Variants in RNPC3 observed in about 807,000 individuals in gnomAD.
RNPC3 encodes RNA binding region (RNP1, RRM) containing 3.
A neutral mutation model predicts 67.5 loss-of-function variants in RNPC3; 48 were observed. That is an observed-to-expected ratio of 0.71 (90% CI 0.56 to 0.90). RNPC3 has a LOEUF of 0.90. Among genes scored for constraint, RNPC3 ranks in the 40% least tolerant of loss-of-function variants. The probability of loss-of-function intolerance (pLI) is 0.00; values close to 1 mark genes in which losing one functional copy is unlikely to be tolerated. For synonymous variants in RNPC3, 239 were observed against 210.3 expected, an observed-to-expected ratio of 1.14 and a Z score of -1.18; for missense variants, 637 against 626.1, an observed-to-expected ratio of 1.02 and a Z score of -0.19.
Position 103,533,782 on chromosome 1 carries a change from T to C in RNPC3, c.284T>C (p.Leu95Ser), listed in dbSNP as rs755658042. Residue 95 changes from leucine (L) to serine (S), a missense_variant, in exon 3 of 15, where the codon TTA becomes TCA. Leu to Ser is a moderately radical substitution (Grantham distance 145, BLOSUM62 -2). Transcript: ENST00000423855. ...LHQLKLLGHT[L>S]VVEFAKEQDR... The stretch of plus-strand genomic sequence containing the variant: ...CAACTGAAACTTTTAGGTCATACTT[T>C]AGTCGTTGAATTTGCAAAAGAGCAA... 4.6e-6 allele frequency: 7 copies of C among 1,535,450 alleles called. No homozygotes were observed. Among genetic ancestry groups the C allele is most frequent in the South Asian group, 2.4e-5 (2 of 84,024 alleles).
In RNPC3 at chr1:103,549,841, C is replaced by A. The variant is rs182100833; in HGVS notation, c.1362-1100C>A. Among the ~76,000 whole-genome samples the A allele has an allele frequency of 2.6e-5, 4 of 152,102 alleles. No homozygotes were observed. The South Asian group carries it at 6.2e-4, about 24-fold the overall frequency. ...TAATCATTGAGGTTCCTTTCTACTC[C>A]GAAGTTCTGTAATTGCTTATAATAA... On this transcript the variant is annotated intron_variant, in intron 12 of 14. Transcript: ENST00000423855.
chr1:103,531,428 AT>A (rs528463767), intron 2 of RNPC3, among the ~76,000 whole-genome samples: 6 of 152,214 alleles, frequency 3.9e-5, no homozygotes, highest in Non-Finnish European at 5.9e-5. Flanking sequence ...TCTCCACACT[AT>A]TTTTCATACT....
At chr1:103,551,886 T>A in intron 14 of RNPC3, 94 bp downstream of exon 14, 4 of 175,508 alleles carry the variant, frequency 2.3e-5, no homozygotes, top group Non-Finnish European at 4.5e-5. Context: ...CAGGTATCTC[T>A]TTTTTTTTTT....
rs148377011 is a variant in RNPC3 at position 103,546,144 on chromosome 1, C to T, written c.1208-104C>T. ...TGAAAATTTTAACATTTTCATAAAG[C>T]TTATTTTGTCTATTTAACAATTAGG... is the stretch of plus-strand genomic sequence containing the variant. On this transcript the variant is annotated intron_variant, in intron 10 of 14. Coordinates refer to ENST00000423855, the MANE Select transcript of RNPC3 (RefSeq NM_017619.4). 237 of 481,448 alleles carry T rather than the reference C, an allele frequency of 4.9e-4. 4 individuals carry two copies. In the East Asian group the frequency reaches 8.0e-3, roughly 16 times the overall value. 29.8% of individuals were successfully genotyped at this position (481,448 alleles called of 1,614,324 possible). A position where few individuals can be genotyped will look rare whatever the true frequency, so the allele number is the denominator to read the frequency against.
chr1:103,530,412 G>A (rs938755659), intron 2 of RNPC3, among the ~76,000 whole-genome samples: 1 of 152,138 alleles, frequency 6.6e-6, no homozygotes, highest in Non-Finnish European at 1.5e-5. Context: ...ATTTCTGGGA[G>A]AAGTACCTTT....
Position 103,551,692 on chromosome 1 carries a change from T to C in RNPC3, c.1495-29T>C, listed in dbSNP as rs770851536. On this transcript the variant is annotated intron_variant, in intron 13 of 14. Coordinates refer to ENST00000423855, the MANE Select transcript of RNPC3 (RefSeq NM_017619.4). Reference sequence around the variant, plus strand: ...TTAGAAAAGATTACTTGCATATTCATGAAGGAAACCTTAATTTTAAATTAT... The same window carrying C: ...TTAGAAAAGATTACTTGCATATTCACGAAGGAAACCTTAATTTTAAATTAT... 5 of 1,418,710 alleles carry C rather than the reference T, an allele frequency of 3.5e-6. No homozygotes were observed. The South Asian group carries it at 6.5e-5, about 19-fold the overall frequency. The allele number at this position is 1,418,710 out of a possible 1,614,324, so 87.9% of individuals were successfully genotyped here.
At chr1:103,531,073 C>T (rs944890235) in intron 2 of RNPC3, among the ~76,000 whole-genome samples, 2 of 152,160 alleles carry the variant, frequency 1.3e-5, no homozygotes, top group African/African-American at 4.8e-5. Context: ...TTAGCTCCTA[C>T]TTAGGAGTGA....
intron 7 of RNPC3, among the ~76,000 whole-genome samples, chr1:103,538,988 G>T (rs1172736649): frequency 6.6e-6 from 1 of 152,176 alleles, no homozygotes; most frequent in Non-Finnish European, 1.5e-5. Context: ...TGAGAGTCAT[G>T]TGGTCTCTGT....
chr1:103,525,881 A>T lies in RNPC3; in HGVS notation c.-190A>T, dbSNP rs891684178. On this transcript the variant is annotated 5_prime_UTR_variant, in exon 1 of 15. In the 5' UTR this introduces an upstream ATG that the reference lacks. Coordinates refer to ENST00000423855, the MANE Select transcript of RNPC3 (RefSeq NM_017619.4). ...TCATTAGCACCGCGCCCTTCCCCGA[A>T]GAGTCTTCGAAGGGTTGCCGCTTTT... is the stretch of plus-strand genomic sequence containing the variant. 1.8e-6 allele frequency: 1 copy of T among 565,942 alleles called. No homozygotes were observed. Among genetic ancestry groups the T allele is most frequent in the African/African-American group, 1.9e-5 (1 of 52,498 alleles). The allele number at this position is 565,942 out of a possible 1,614,324, so 35.1% of individuals were successfully genotyped here. A position where few individuals can be genotyped will look rare whatever the true frequency, so the allele number is the denominator to read the frequency against.
chr1:103,543,435 GA>G lies in RNPC3; in HGVS notation c.1040del (p.Asn347IlefsTer14). The G allele has an allele frequency of 2.7e-6, 4 of 1,501,638 alleles. No homozygotes were observed. The highest frequency in any genetic ancestry group is 2.6e-5 in the East Asian group (1 of 38,960). The allele number at this position is 1,501,638 out of a possible 1,614,324, so 93.0% of individuals were successfully genotyped here. A position where few individuals can be genotyped will look rare whatever the true frequency, so the allele number is the denominator to read the frequency against. The part of the protein sequence containing the change: ...KDLEKEQNCE[E>X]KNHDLPATEV... Reference sequence around the variant, plus strand: ...TTTAGAAAAGGAACAAAATTGTGAGGAAAAAAATCATGGTAAGGATATTCTA... The same window carrying G: ...TTTAGAAAAGGAACAAAATTGTGAGGAAAAAATCATGGTAAGGATATTCTA... On this transcript the variant is annotated frameshift_variant, in exon 9 of 15. Transcript: ENST00000423855. LOFTEE classifies it high-confidence loss of function.
chr1:103,537,557 G>A, intron 7 of RNPC3, 73 bp downstream of exon 7: 1 of 1,252,894 alleles, frequency 8.0e-7, no homozygotes, highest in East Asian at 2.5e-5. Context: ...GCTCTCCCTA[G>A]ATTTTGTGTG....
intron 2 of RNPC3, among the ~76,000 whole-genome samples, chr1:103,532,427 G>C (rs1260887083): frequency 1.3e-5 from 2 of 152,094 alleles, no homozygotes; most frequent in South Asian, 4.1e-4. Flanking sequence ...AATTTGAAAT[G>C]TTTGTTAGAT....
At chr1:103,551,849 G>A in intron 14 of RNPC3, 57 bp downstream of exon 14, 4 of 872,752 alleles carry the variant, frequency 4.6e-6, no homozygotes, top group Admixed American at 7.0e-5. Flanking sequence ...ATAAAATTAA[G>A]AATAAAAGTT....
chr1:103,538,560 G>A (rs1161350237), intron 7 of RNPC3, among the ~76,000 whole-genome samples: 2 of 152,134 alleles, frequency 1.3e-5, no homozygotes, highest in Non-Finnish European at 2.9e-5. Flanking sequence ...ATCAAACAAG[G>A]TAATGTATTG....
intron 2 of RNPC3, 72 bp from the exon 3 acceptor site, chr1:103,533,667 A>G (rs1195783375): frequency 3.8e-6 from 3 of 784,200 alleles, no homozygotes; most frequent in Non-Finnish European, 6.2e-6. Flanking sequence ...AAAAAAAAGT[A>G]TAAAAATTGG....
Position 103,535,435 on chromosome 1 carries a change from T to C in RNPC3, c.549T>C (p.Tyr183=), listed in dbSNP as rs1254382901. The part of the protein sequence containing the change: ...VNALASVPKF[Y]VQVLHLMNKM... ...CCTTGGCAAGCGTGCCTAAGTTCTA[T>C]GTACAGGTAAGTAGAATAAAACTTT... Residue 183 remains tyrosine, a synonymous_variant, in exon 5 of 15, where the codon TAT becomes TAC. Transcript: ENST00000423855. 2.0e-6 allele frequency: 3 copies of C among 1,527,516 alleles called. No homozygotes were observed. Among genetic ancestry groups the C allele is most frequent in the South Asian group, 2.4e-5 (2 of 83,700 alleles). The allele number at this position is 1,527,516 out of a possible 1,614,324, so 94.6% of individuals were successfully genotyped here. A position where few individuals can be genotyped will look rare whatever the true frequency, so the allele number is the denominator to read the frequency against.
chr1:103,550,355 C>A (rs1408794581), intron 12 of RNPC3, among the ~76,000 whole-genome samples: 3 of 151,786 alleles, frequency 2.0e-5, no homozygotes, highest in Non-Finnish European at 4.4e-5. Flanking sequence ...AAGTTTGCAG[C>A]CAGTGCGGTG....
chr1:103,527,941 C>T (rs369571540), intron 2 of RNPC3, among the ~76,000 whole-genome samples, 199 bp downstream of exon 2: 9 of 152,236 alleles, frequency 5.9e-5, no homozygotes, highest in African/African-American at 1.4e-4. Flanking sequence ...AAACTAACTG[C>T]GTATGTAATT....
At chr1:103,553,880 A>G (rs549782820) in intron 14 of RNPC3, 1 of 152,252 alleles carries the variant, frequency 6.6e-6, no homozygotes, top group East Asian at 1.9e-4. Context: ...CTTTTTCTAA[A>G]CAAGAGAAGA....
Sources: allele counts gnomAD v4.1 joint callset (sites outside exome capture counted in the v4.1 genomes callset), GRCh38; gene constraint gnomAD v4.1.1; transcripts MANE v1.5; gene names NCBI Gene and HGNC (gene_info 2026-07-23, HGNC 2026-07-21).